GYG2: variants seen among roughly 807,000 people sequenced by gnomAD.
GYG2 encodes glycogenin-2.
A neutral mutation model predicts 29.4 loss-of-function variants in GYG2; 29 were observed. That is an observed-to-expected ratio of 0.99 (90% CI 0.74 to 1.35). The LOEUF (loss-of-function observed/expected upper bound fraction) is 1.35, where lower values mean the gene tolerates loss of function less well. Ranked by LOEUF, GYG2 falls within the 40% of genes most tolerant of loss-of-function variation. The pLI is 0.00. For missense variants in GYG2, 370 were observed against 385.7 expected (o/e 0.96, Z 0.34); for synonymous variants, 167 against 172.3 (o/e 0.97, Z 0.24).
At chrX:2,831,746 G>A (rs1285343984) in intron 2 of GYG2, among the ~76,000 whole-genome samples, 1 of 111,593 alleles carries the variant, frequency 9.0e-6, no homozygotes, top group Non-Finnish European at 1.9e-5. Context: ...GAGTAGAAAA[G>A]GGCTGAGAAG....
intron 8 of GYG2, among the ~76,000 whole-genome samples, chrX:2,873,963 A>T (rs752103145): frequency 9.0e-6 from 1 of 110,795 alleles, no homozygotes; most frequent in South Asian, 3.9e-4. Flanking sequence ...GGGTTTGGTG[A>T]TGCATGCCTG....
chrX:2,851,659 A>G (rs1227640206), intron 3 of GYG2, among the ~76,000 whole-genome samples: 2 of 112,190 alleles, frequency 1.8e-5, no homozygotes, highest in East Asian at 5.6e-4. Flanking sequence ...GGAGTGCATG[A>G]TGTCTGTATG....
At chrX:2,832,638 G>A (rs1209945896) in intron 2 of GYG2, among the ~76,000 whole-genome samples, 2 of 111,584 alleles carry the variant, frequency 1.8e-5, no homozygotes, top group Non-Finnish European at 3.8e-5. Flanking sequence ...GGGTTCAAGC[G>A]ATTCTCCTGC....
chrX:2,869,312 A>G (rs1042715654), intron 8 of GYG2, among the ~76,000 whole-genome samples: 9 of 111,990 alleles, frequency 8.0e-5, no homozygotes, highest in African/African-American at 3.2e-5. Flanking sequence ...AGACAGTTCC[A>G]TCTTGTATCA....
intron 2 of GYG2, among the ~76,000 whole-genome samples, chrX:2,842,549 C>G (rs1183969771): frequency 9.0e-6 from 1 of 111,035 alleles, no homozygotes; most frequent in Non-Finnish European, 1.9e-5. Flanking sequence ...CTCAGGTCAT[C>G]AAGCCATCAC....
chrX:2,879,358 C>T (rs943637889), intron 10 of GYG2, among the ~76,000 whole-genome samples: 2 of 107,262 alleles, frequency 1.9e-5, no homozygotes, highest in Non-Finnish European at 3.8e-5. Flanking sequence ...ACCTCCGCCT[C>T]CCGGGTTCAA....
intron 3 of GYG2, 121 bp downstream of exon 3, chrX:2,843,475 G>A (rs1213373321): frequency 3.8e-6 from 2 of 532,669 alleles, no homozygotes; most frequent in African/African-American, 2.3e-5. Context: ...GGCCTGGATG[G>A]CCGGCAGTCA....
At chrX:2,859,772 A>T in intron 6 of GYG2, 71 bp from the exon 7 acceptor site, 1 of 642,581 alleles carries the variant, frequency 1.6e-6, no homozygotes, top group Non-Finnish European at 2.5e-6. Context: ...GCCCCATGGT[A>T]GGTGGATGCT....
chrX:2,863,603 G>A (rs2088227188), intron 8 of GYG2, among the ~76,000 whole-genome samples: 1 of 112,498 alleles, frequency 8.9e-6, no homozygotes. Flanking sequence ...GTACTCTGGC[G>A]TAAATTATGC....
intron 2 of GYG2, among the ~76,000 whole-genome samples, chrX:2,839,768 G>T (rs775829731): frequency 8.9e-6 from 1 of 112,074 alleles, no homozygotes; most frequent in Admixed American, 9.5e-5. Context: ...GAAATTTACT[G>T]TGATAAATAA....
chrX:2,854,856 C>T (rs548519759), intron 4 of GYG2, 137 bp from the exon 5 acceptor site: 8 of 612,071 alleles, frequency 1.3e-5, no homozygotes, highest in Middle Eastern at 4.8e-4. Flanking sequence ...CGCTTGAACC[C>T]GGGAGGCGGA....
At chrX:2,853,304 G>A (rs941238104) in intron 3 of GYG2, among the ~76,000 whole-genome samples, 28 of 111,256 alleles carry the variant, frequency 2.5e-4, no homozygotes, top group Non-Finnish European at 4.7e-4. Flanking sequence ...TCCGCCTCCC[G>A]GGTTCAAGCG....
intron 7 of GYG2, among the ~76,000 whole-genome samples, chrX:2,860,833 A>C (rs1022942065): frequency 9.1e-6 from 1 of 110,232 alleles, no homozygotes; most frequent in East Asian, 2.8e-4. Flanking sequence ...GGGTTCAAGC[A>C]ATTCTCCTGC....
rs1168470476 is a variant in GYG2 at position 2,861,623 on chromosome X, T to A, written c.939T>A (p.Asn313Lys). Residue 313 changes from asparagine to lysine, a missense_variant, in exon 8 of 11, where the codon AAT (asparagine) becomes AAA (lysine). Coordinates refer to ENST00000398806, the MANE Select transcript of GYG2 (RefSeq NM_001079855.2). ...STPSAGVPCANSPLGSNQPAQ... is the reference protein window; with the variant it reads ...STPSAGVPCAKSPLGSNQPAQ... The stretch of plus-strand genomic sequence containing the variant: ...CCAGTGCGGGCGTGCCGTGTGCAAA[T>A]TCACCACTGGGTTCTAACCAGCCTG... The A allele has an allele frequency of 8.3e-7, 1 of 1,205,243 alleles. No individual in the cohort carries two copies. Among genetic ancestry groups the A allele is most frequent in the Non-Finnish European group, 1.1e-6 (1 of 891,969 alleles).
intron 8 of GYG2, among the ~76,000 whole-genome samples, chrX:2,875,269 G>A (rs970053009): frequency 1.8e-5 from 2 of 111,046 alleles, no homozygotes. Context: ...TGTTGCTGAC[G>A]GCAGCCACTG....
chrX:2,855,658 C>T (rs186270287), intron 5 of GYG2, among the ~76,000 whole-genome samples: 3 of 112,085 alleles, frequency 2.7e-5, no homozygotes, highest in African/African-American at 9.7e-5. Context: ...GAGGCCAGGG[C>T]GGACAGATTG....
At chrX:2,854,562 G>A (rs1215095591) in intron 4 of GYG2, among the ~76,000 whole-genome samples, 1 of 111,684 alleles carries the variant, frequency 9.0e-6, no homozygotes, top group Non-Finnish European at 1.9e-5. Flanking sequence ...AAGAGAACAG[G>A]GGATTGGAAG....
chrX:2,850,667 C>T (rs140463986), intron 3 of GYG2, among the ~76,000 whole-genome samples: 243 of 111,358 alleles, frequency 2.2e-3, no homozygotes, highest in Middle Eastern at 9.2e-3. Flanking sequence ...TAACTAATGA[C>T]ATTATCTTGT....
chrX:2,856,780 C>G (rs1169813488), intron 6 of GYG2, among the ~76,000 whole-genome samples, 156 bp downstream of exon 6: 1 of 79,805 alleles, frequency 1.3e-5, no homozygotes, highest in Non-Finnish European at 2.6e-5. Flanking sequence ...ATCTATCTAT[C>G]TATCTATCAT....
Sources: allele counts gnomAD v4.1 joint callset (sites outside exome capture counted in the v4.1 genomes callset), GRCh38; gene constraint gnomAD v4.1.1; transcripts MANE v1.5; gene names NCBI Gene and HGNC (gene_info 2026-07-23, HGNC 2026-07-21).